The following ZFP37 variants were observed in gnomAD, a reference collection of about 807,000 sequenced individuals.
ZFP37 encodes ZFP37 zinc finger protein.
ZFP37 carries 38 observed loss-of-function variants against 52.1 expected under a neutral mutation model. That is an observed-to-expected ratio of 0.73 (90% CI 0.56 to 0.96). The LOEUF (loss-of-function observed/expected upper bound fraction) is 0.96. Ranked by LOEUF, ZFP37 falls within the 40% of genes least tolerant of loss-of-function variation. The pLI is 0.00. For synonymous variants in ZFP37, 253 were observed against 259.5 expected (o/e 0.98, Z 0.24); for missense variants, 695 against 741.4 (o/e 0.94, Z 0.73).
chr9:113,043,094 C>T lies in ZFP37; in HGVS notation c.1524G>A (p.Met508Ile). The T allele has an allele frequency of 6.2e-7, 1 of 1,613,610 alleles. No individual in the cohort carries two copies. The highest frequency in any genetic ancestry group is 8.5e-7 in the Non-Finnish European group (1 of 1,179,950). Residue 508 changes from methionine (M) to isoleucine (I), a missense_variant, in exon 4 of 4, where the codon ATG becomes ATA. Physicochemically the swap from Met to Ile is conservative, Grantham distance 10 (BLOSUM62 1). Transcript: ENST00000374227. ...FGHSSSLTYH[M>I]RTHTGESPFE... is the part of the protein sequence containing the mutation. ...AGGGACTTTCACCTGTATGAGTTCT[C>T]ATATGGTAAGTAAGAGATGAGCTAT...
chr9:113,056,376 G>A (rs895528526), intron 1 of ZFP37, among the ~76,000 whole-genome samples, 181 bp downstream of exon 1: 1 of 152,050 alleles, frequency 6.6e-6, no homozygotes, highest in Non-Finnish European at 1.5e-5. Flanking sequence ...TCCTAATACT[G>A]ATATCCTAAA....
intron 3 of ZFP37, among the ~76,000 whole-genome samples, chr9:113,047,851 T>A (rs1348643413): frequency 6.6e-6 from 1 of 152,234 alleles, no homozygotes; most frequent in East Asian, 1.9e-4. Flanking sequence ...ATCCTAAGAA[T>A]AAGCTGTTGT....
chr9:113,049,399 A>G lies in ZFP37; in HGVS notation c.312T>C (p.Ser104=), dbSNP rs748778653. The G allele has an allele frequency of 1.9e-6, 3 of 1,614,076 alleles. No individual in the cohort carries two copies. In the South Asian group the frequency reaches 3.3e-5, roughly 18 times the overall value. The change falls in exon 3 of 4, where the codon AGT becomes AGC. Residue 104 remains serine (S), a synonymous_variant. Coordinates refer to ENST00000374227, the MANE Select transcript of ZFP37 (RefSeq NM_003408.3). The part of the protein sequence containing the change: ...KGKRPSQGCP[S]KIARPKQKET... ...CTTTTTGCTTGGGTCTTGCTATTTT[A>G]CTTGGACAACCTTGACTGGGTCTTT...
chr9:113,045,776 T>A (rs991152653), intron 3 of ZFP37, among the ~76,000 whole-genome samples: 4 of 152,248 alleles, frequency 2.6e-5, no homozygotes, highest in African/African-American at 9.6e-5. Context: ...TAGCTAGCTA[T>A]GGATACTACA....
rs1315328801 is a variant in ZFP37, at chr9:113,043,073, A to T, written c.1545T>A (p.Ser515Arg). ...TCCCACATTGATTACATTCAAAGGG[A>T]CTTTCACCTGTATGAGTTCTCATAT... ...TYHMRTHTGE[S>R]PFECNQCGKG... The change falls in exon 4 of 4, where the codon AGT becomes AGA. Residue 515 changes from serine to arginine, a missense_variant. Coordinates refer to ENST00000374227, the MANE Select transcript of ZFP37 (RefSeq NM_003408.3). The T allele has an allele frequency of 3.7e-6, 6 of 1,613,390 alleles. No homozygotes were observed. The East Asian group carries it at 6.7e-5, about 18-fold the overall frequency.
chr9:113,041,339 C>G lies in ZFP37; in HGVS notation c.*1386G>C, dbSNP rs910975676. On this transcript the variant is annotated 3_prime_UTR_variant, in exon 4 of 4. Coordinates refer to ENST00000374227, the MANE Select transcript of ZFP37 (RefSeq NM_003408.3). ...GATGCATAGTACCTTCTGGAATGCA[C>G]GCTGCACAATGATTCTGAGGCCAAC... 1 of 152,108 alleles carries G rather than the reference C, an allele frequency of 6.6e-6. No homozygotes were observed. Among genetic ancestry groups the G allele is most frequent in the East Asian group, 1.9e-4 (1 of 5,194 alleles). 9.4% of individuals were successfully genotyped at this position (152,108 alleles called of 1,614,324 possible).
In ZFP37 at chr9:113,042,527, T is replaced by A. The variant is rs545320800; in HGVS notation, c.*198A>T. 10 of 439,190 alleles carry A rather than the reference T, an allele frequency of 2.3e-5. No individual in the cohort carries two copies. The Admixed American group carries it at 2.3e-4, about 10-fold the overall frequency. 27.2% of individuals were successfully genotyped at this position (439,190 alleles called of 1,614,324 possible). A position where few individuals can be genotyped will look rare whatever the true frequency, so the allele number is the denominator to read the frequency against. On this transcript the variant is annotated 3_prime_UTR_variant, in exon 4 of 4. Coordinates refer to ENST00000374227, the MANE Select transcript of ZFP37 (RefSeq NM_003408.3). ...TAATAATTGAGTAGTTAAAACAATA[T>A]TTTTTATAAAAGGTTTTGTATCAAG...
In ZFP37 at chr9:113,040,859, G is replaced by A. The variant is rs1470539008; in HGVS notation, c.*1866C>T. Reference sequence around the variant, plus strand: ...TAAATTAATATTGTATTAAAATAAAGGTATGATGTTTTTGAAAACCATTTC... The same window carrying A: ...TAAATTAATATTGTATTAAAATAAAAGTATGATGTTTTTGAAAACCATTTC... On this transcript the variant is annotated 3_prime_UTR_variant, in exon 4 of 4. Transcript: ENST00000374227. 4 of 152,088 alleles carry A rather than the reference G, an allele frequency of 2.6e-5. No homozygotes were observed. Among genetic ancestry groups the A allele is most frequent in the Non-Finnish European group, 5.9e-5 (4 of 68,022 alleles). 9.4% of individuals were successfully genotyped at this position (152,088 alleles called of 1,614,324 possible).
rs1167965503 is a variant in ZFP37 at position 113,038,966 on chromosome 9, A to C, written c.*3759T>G. The C allele has an allele frequency of 6.6e-6, 1 of 152,146 alleles. No individual in the cohort carries two copies. The highest frequency in any genetic ancestry group is 1.5e-5 in the Non-Finnish European group (1 of 68,022). 9.4% of individuals were successfully genotyped at this position (152,146 alleles called of 1,614,324 possible). On this transcript the variant is annotated 3_prime_UTR_variant, in exon 4 of 4. Coordinates refer to ENST00000374227, the MANE Select transcript of ZFP37 (RefSeq NM_003408.3). ...TTGATGCCTGGAGATGCATCACTCAAACACATTCCTGAGAGTAAAAGTAAT... is the reference window on the plus strand; with the variant it reads ...TTGATGCCTGGAGATGCATCACTCACACACATTCCTGAGAGTAAAAGTAAT...
chr9:113,040,067 G>A lies in ZFP37; in HGVS notation c.*2658C>T, dbSNP rs961137325. On this transcript the variant is annotated 3_prime_UTR_variant, in exon 4 of 4. Coordinates refer to ENST00000374227, the MANE Select transcript of ZFP37 (RefSeq NM_003408.3). Reference sequence around the variant, plus strand: ...TTATGCACACTAGAGTTTACGTATCGATTCAGACTTACCACTGTGTGTCTG... The same window carrying A: ...TTATGCACACTAGAGTTTACGTATCAATTCAGACTTACCACTGTGTGTCTG... 6.6e-6 allele frequency: 1 copy of A among 152,188 alleles called. No homozygotes were observed. The highest frequency in any genetic ancestry group is 2.4e-5 in the African/African-American group (1 of 41,438). 9.4% of individuals were successfully genotyped at this position (152,188 alleles called of 1,614,324 possible).
chr9:113,050,905 A>G (rs1378582781), intron 1 of ZFP37, among the ~76,000 whole-genome samples: 1 of 151,848 alleles, frequency 6.6e-6, no homozygotes, highest in Admixed American at 6.6e-5. Context: ...AAAAAAAAAA[A>G]GTTATTTATG....
At chr9:113,045,205 A>G (rs921626925) in intron 3 of ZFP37, among the ~76,000 whole-genome samples, 2 of 152,172 alleles carry the variant, frequency 1.3e-5, no homozygotes, top group East Asian at 1.9e-4. Context: ...TCCACTTTAT[A>G]CTACTCATGG....
chr9:113,039,213 A>G lies in ZFP37; in HGVS notation c.*3512T>C, dbSNP rs184785570. On this transcript the variant is annotated 3_prime_UTR_variant, in exon 4 of 4. Coordinates refer to ENST00000374227, the MANE Select transcript of ZFP37 (RefSeq NM_003408.3). ...CGACCATCATAAGGCTTTGATGTAT[A>G]CTGTCAGATTTACATTTTGGTAGGT... is the stretch of plus-strand genomic sequence containing the variant. The G allele has an allele frequency of 7.2e-5, 11 of 152,292 alleles. No individual in the cohort carries two copies. Among genetic ancestry groups the G allele is most frequent in the Admixed American group, 4.6e-4 (7 of 15,292 alleles). The allele number at this position is 152,292 out of a possible 1,614,324, so 9.4% of individuals were successfully genotyped here.
intron 1 of ZFP37, among the ~76,000 whole-genome samples, chr9:113,056,183 C>A (rs947935695): frequency 1.3e-5 from 2 of 152,132 alleles, no homozygotes; most frequent in African/African-American, 4.8e-5. Context: ...TCTTTGATAA[C>A]CCAGGCTCTA....
At position 113,043,113 on chromosome 9, in the gene ZFP37, G is replaced by A; in HGVS notation, c.1505C>T (p.Ser502Leu). The change falls in exon 4 of 4, where the codon TCA (serine) becomes TTA (leucine). Residue 502 changes from serine to leucine, a missense_variant. Physicochemically the swap from Ser to Leu is moderately radical, Grantham distance 145 (BLOSUM62 -2). This residue lies in a region of ZFP37 where 326 missense variants were observed against 400.5 expected (regional missense o/e 0.81). Transcript: ENST00000374227. The stretch of plus-strand genomic sequence containing the variant: ...AGTTCTCATATGGTAAGTAAGAGAT[G>A]AGCTATGTCCAAAGGCTTTTCCACA... ...NECGKAFGHS[S>L]SLTYHMRTHT... The A allele has an allele frequency of 1.9e-6, 3 of 1,613,658 alleles. No individual in the cohort carries two copies. The highest frequency in any genetic ancestry group is 1.7e-5 in the Admixed American group (1 of 59,970).
rs139766821 is a variant in ZFP37, at chr9:113,047,057, C to T, written c.349+2305G>A. On this transcript the variant is annotated intron_variant, in intron 3 of 3. Coordinates refer to ENST00000374227, the MANE Select transcript of ZFP37 (RefSeq NM_003408.3). ...TCGGGAGGAGGAGCTTGCAGTGAGC[C>T]GAGATTGCGCCACTGCACTCCATCC... is the stretch of plus-strand genomic sequence containing the variant. Among the ~76,000 whole-genome samples, 1,069 of 150,452 alleles carry T rather than the reference C, an allele frequency of 7.1e-3. 3 individuals are homozygous for T. Among genetic ancestry groups the T allele is most frequent in the Admixed American group, 0.012 (183 of 15,092 alleles).
chr9:113,039,164 A>G lies in ZFP37; in HGVS notation c.*3561T>C, dbSNP rs1278972517. The G allele has an allele frequency of 2.6e-5, 4 of 152,162 alleles. No individual in the cohort carries two copies. Among genetic ancestry groups the G allele is most frequent in the African/African-American group, 9.7e-5 (4 of 41,444 alleles). The allele number at this position is 152,162 out of a possible 1,614,324, so 9.4% of individuals were successfully genotyped here. A position where few individuals can be genotyped will look rare whatever the true frequency, so the allele number is the denominator to read the frequency against. ...ATAGTACGCCTTGATTGTACAACAT[A>G]GAATAGATTCCTCGATGGACTGCCG... On this transcript the variant is annotated 3_prime_UTR_variant, in exon 4 of 4. Transcript: ENST00000374227.
chr9:113,049,968 G>A, intron 1 of ZFP37, 96 bp from the exon 2 acceptor site: 1 of 1,575,318 alleles, frequency 6.3e-7, no homozygotes. Flanking sequence ...TTTGGTGAGT[G>A]ATTTGGACAA....
At position 113,056,548 on chromosome 9, in the gene ZFP37, A is replaced by G. The variant is rs1436478807; in HGVS notation, c.132+9T>C. 6.2e-7 allele frequency: 1 copy of G among 1,613,062 alleles called. No individual in the cohort carries two copies. Among genetic ancestry groups the G allele is most frequent in the African/African-American group, 1.3e-5 (1 of 75,052 alleles). Reference sequence around the variant, plus strand: ...CCGCCAAAACACCCTGTCTCATCACAGCTCTCACCGCGGCGCTGGCCTCGG... The same window carrying G: ...CCGCCAAAACACCCTGTCTCATCACGGCTCTCACCGCGGCGCTGGCCTCGG... On this transcript the variant is annotated intron_variant, in intron 1 of 3. Transcript: ENST00000374227.
Sources: gnomAD v4.1 joint callset for allele counts (sites outside exome capture counted in the v4.1 genomes callset) on GRCh38, gnomAD v4.1.1 for gene constraint, gnomAD v4.1.1 regional missense constraint, MANE v1.5 for transcripts, NCBI Gene and HGNC (gene_info 2026-07-23, HGNC 2026-07-21) for gene names.